MAML3: variants seen among roughly 807,000 people sequenced by gnomAD.
MAML3 encodes mastermind like transcriptional coactivator 3.
In MAML3, 27 loss-of-function variants were observed where a neutral mutation model predicts 101.9. That is an observed-to-expected ratio of 0.27 (90% CI 0.20 to 0.37). The LOEUF (loss-of-function observed/expected upper bound fraction) is 0.37, where lower values mean the gene tolerates loss of function less well. MAML3 is among the 10% of genes least tolerant of loss of function. The probability of loss-of-function intolerance (pLI) is 1.00; values close to 1 mark genes in which losing one functional copy is unlikely to be tolerated. For missense variants in MAML3, 1,316 were observed against 1,444.9 expected (o/e 0.91, Z 1.45); for synonymous variants, 501 against 555.9 (o/e 0.90, Z 1.39).
intron 2 of MAML3, among the ~76,000 whole-genome samples, chr4:139,809,496 T>C (rs1730756041): frequency 6.6e-6 from 1 of 152,192 alleles, no homozygotes; most frequent in Non-Finnish European, 1.5e-5. Flanking sequence ...CAAAGGCCCC[T>C]TCCAACGTAG....
At chr4:139,804,079 A>G (rs1239839388) in intron 2 of MAML3, among the ~76,000 whole-genome samples, 2 of 152,152 alleles carry the variant, frequency 1.3e-5, no homozygotes, top group Non-Finnish European at 2.9e-5. Flanking sequence ...TGTGTGCCCA[A>G]AGGTGTGTCT....
At chr4:139,953,227 G>A (rs1395876089) in intron 1 of MAML3, among the ~76,000 whole-genome samples, 2 of 152,164 alleles carry the variant, frequency 1.3e-5, no homozygotes, top group African/African-American at 4.8e-5. Flanking sequence ...AAGGAAACTA[G>A]GAGACAGGAA....
intron 2 of MAML3, among the ~76,000 whole-genome samples, chr4:139,744,527 TGA>T (rs1178679580): frequency 6.6e-6 from 1 of 152,244 alleles, no homozygotes; most frequent in African/African-American, 2.4e-5. Context: ...CCCTGAAGTC[TGA>T]GCACTAGAAC....
At chr4:140,129,946 C>T (rs1728762190) in intron 1 of MAML3, among the ~76,000 whole-genome samples, 1 of 151,114 alleles carries the variant, frequency 6.6e-6, no homozygotes, top group Admixed American at 6.6e-5. Flanking sequence ...GCCTGGGTGA[C>T]CTGAGCGAAA....
At chr4:140,147,004 A>G (rs1729075229) in intron 1 of MAML3, among the ~76,000 whole-genome samples, 2 of 151,870 alleles carry the variant, frequency 1.3e-5, no homozygotes, top group South Asian at 2.1e-4. Context: ...GTGGTGGTAC[A>G]TGCCTGTAGT....
In MAML3 at chr4:140,063,243, C is replaced by T. The variant is rs530826640; in HGVS notation, c.468+89617G>A. Reference sequence around the variant, plus strand: ...CTTGACCATGCAGGAAAGAGACAGCCAGGCCGGAACTCAAAACTTAGAAGA... The same window carrying T: ...CTTGACCATGCAGGAAAGAGACAGCTAGGCCGGAACTCAAAACTTAGAAGA... On this transcript the variant is annotated intron_variant, in intron 1 of 4. Transcript: ENST00000509479. Among the ~76,000 whole-genome samples, 16 of 152,200 alleles carry T rather than the reference C, an allele frequency of 1.1e-4. 1 individual carries two copies. The highest frequency in any genetic ancestry group is 1.8e-4 in the Non-Finnish European group (12 of 68,004).
chr4:140,104,518 G>C (rs1442493410), intron 1 of MAML3, among the ~76,000 whole-genome samples: 1 of 135,148 alleles, frequency 7.4e-6, no homozygotes, highest in African/African-American at 2.8e-5. Flanking sequence ...TGTGGCTCAG[G>C]CTGGAGTATA....
intron 1 of MAML3, among the ~76,000 whole-genome samples, chr4:139,977,549 C>A (rs1433903388): frequency 6.6e-6 from 1 of 152,088 alleles, no homozygotes; most frequent in Non-Finnish European, 1.5e-5. Context: ...TAATTATGAA[C>A]ATATAGATTA....
At chr4:139,951,289 T>A (rs1213851316) in intron 1 of MAML3, among the ~76,000 whole-genome samples, 4 of 152,204 alleles carry the variant, frequency 2.6e-5, no homozygotes, top group Non-Finnish European at 5.9e-5. Context: ...GCCTTCAGTG[T>A]TGACAGTCAG....
chr4:139,886,975 G>A (rs1732353456), intron 2 of MAML3, among the ~76,000 whole-genome samples: 1 of 152,176 alleles, frequency 6.6e-6, no homozygotes, highest in East Asian at 1.9e-4. Context: ...TGCTGCTGAA[G>A]TCATTCATTA....
chr4:139,777,778 C>A (rs1212833914), intron 2 of MAML3, among the ~76,000 whole-genome samples: 1 of 152,242 alleles, frequency 6.6e-6, no homozygotes, highest in East Asian at 1.9e-4. Context: ...AAAACTCGCA[C>A]TTTTGACCAT....
chr4:140,131,102 C>T (rs985027237), intron 1 of MAML3, among the ~76,000 whole-genome samples: 1 of 152,146 alleles, frequency 6.6e-6, no homozygotes, highest in African/African-American at 2.4e-5. Context: ...CTGGCCAAAA[C>T]CCTCCAGTCA....
chr4:140,065,959 T>A (rs1727530469), intron 1 of MAML3, among the ~76,000 whole-genome samples: 1 of 152,170 alleles, frequency 6.6e-6, no homozygotes, highest in African/African-American at 2.4e-5. Context: ...TACAAAAGGA[T>A]TTACTCAAAG....
In MAML3 at chr4:139,834,085, GACAGGCAC is replaced by G. The variant is rs1731218020; in HGVS notation, c.2079+55264_2079+55271del. Among the ~76,000 whole-genome samples, 4 of 152,336 alleles carry G rather than the reference GACAGGCAC, an allele frequency of 2.6e-5. No homozygotes were observed. The South Asian group carries it at 8.3e-4, about 32-fold the overall frequency. On this transcript the variant is annotated intron_variant, in intron 2 of 4. Coordinates refer to ENST00000509479, the MANE Select transcript of MAML3 (RefSeq NM_018717.5). The stretch of plus-strand genomic sequence containing the variant: ...CCCAAAATCACTTATGTAACTTTGT[GACAGGCAC>G]AAGGGAAATAGAAATGGCAAATAGA...
chr4:139,801,674 GTGTGTGTC>G lies in MAML3; in HGVS notation c.2080-71015_2080-71008del, dbSNP rs1431790406. Among the ~76,000 whole-genome samples, 533 of 148,168 alleles carry G rather than the reference GTGTGTGTC, an allele frequency of 3.6e-3. 2 individuals carry two copies. Among genetic ancestry groups the G allele is most frequent in the Middle Eastern group, 7.1e-3 (2 of 280 alleles). On this transcript the variant is annotated intron_variant, in intron 2 of 4. Transcript: ENST00000509479. ...TGTGTGTGTGTGTGTGTGTGTGTGT[GTGTGTGTC>G]TGTGTGTGTGTGTCTGTCTGTGTGG...
chr4:139,833,630 G>A (rs576741972), intron 2 of MAML3, among the ~76,000 whole-genome samples: 1 of 152,174 alleles, frequency 6.6e-6, no homozygotes, highest in Admixed American at 6.5e-5. Flanking sequence ...TGAGTTCGAG[G>A]CCCTAAGTTT....
At chr4:139,991,886 A>C (rs1053681640) in intron 1 of MAML3, among the ~76,000 whole-genome samples, 7 of 152,108 alleles carry the variant, frequency 4.6e-5, no homozygotes, top group African/African-American at 7.2e-5. Context: ...TAAGTATATA[A>C]TTAAAAAAAA....
At chr4:139,986,576 C>A (rs911544823) in intron 1 of MAML3, among the ~76,000 whole-genome samples, 1 of 151,862 alleles carries the variant, frequency 6.6e-6, no homozygotes. Context: ...TCAAGTCTTA[C>A]AATTAATATT....
intron 1 of MAML3, among the ~76,000 whole-genome samples, chr4:139,917,685 G>C (rs150526449): frequency 3.9e-4 from 59 of 152,302 alleles, no homozygotes; most frequent in African/African-American, 1.4e-3. Context: ...AAAACGATTA[G>C]AGAGATTCAA....
Sources: gnomAD v4.1 joint callset for allele counts (sites outside exome capture counted in the v4.1 genomes callset) on GRCh38, gnomAD v4.1.1 for gene constraint, MANE v1.5 for transcripts, NCBI Gene and HGNC (gene_info 2026-07-23, HGNC 2026-07-21) for gene names.